The following ANO1 variants were observed in gnomAD, a reference collection of about 807,000 sequenced individuals.
ANO1 encodes the protein anoctamin-1.
In ANO1, 59 loss-of-function variants were observed where a neutral mutation model predicts 124.0. The observed-to-expected ratio is 0.48, with a 90% confidence interval of 0.39 to 0.59. The LOEUF is 0.59. ANO1 is among the 20% of genes least tolerant of loss of function. ANO1 has a pLI of 0.00. For synonymous variants in ANO1, 529 were observed against 532.0 expected (o/e 0.99, Z 0.08); for missense variants, 1,059 against 1,328.0 (o/e 0.80, Z 3.15).
At chr11:70,021,302 C>T (rs558463129) in intron 1 of ANO1, among the ~76,000 whole-genome samples, 15 of 152,310 alleles carry the variant, frequency 9.8e-5, no homozygotes, top group South Asian at 6.2e-4. Context: ...CAAATGCCAA[C>T]GTGCTCACTG....
upstream of ANO1, among the ~76,000 whole-genome samples, chr11:69,984,983 C>T (rs1184670628): frequency 2.0e-5 from 3 of 152,226 alleles, no homozygotes; most frequent in Non-Finnish European, 2.9e-5. Context: ...TTTGTGGGTA[C>T]ACAAGGAGGC....
intron 1 of ANO1, among the ~76,000 whole-genome samples, chr11:69,999,332 C>T (rs1444135221): frequency 1.3e-5 from 2 of 152,134 alleles, no homozygotes; most frequent in African/African-American, 4.8e-5. Context: ...AGGACAGTAC[C>T]AAGGACACAC....
chr11:70,122,150 CTG>C (rs2046313276), intron 8 of ANO1, among the ~76,000 whole-genome samples: 1 of 134,552 alleles, frequency 7.4e-6, no homozygotes, highest in African/African-American at 2.9e-5. Flanking sequence ...GCCTCTGTCT[CTG>C]TCTCTCTCTC....
At chr11:70,170,260 G>C in intron 21 of ANO1, 1 of 431,226 alleles carries the variant, frequency 2.3e-6, no homozygotes, top group East Asian at 7.1e-5. Context: ...ATGACCACAG[G>C]CTGGGCCTTT....
chr11:70,064,622 T>A (rs896500315), intron 1 of ANO1: 3 of 152,236 alleles, frequency 2.0e-5, no homozygotes, highest in Non-Finnish European at 4.4e-5. Flanking sequence ...CTTGTCCCCC[T>A]TCCTCCAAGC....
At chr11:70,180,147 C>T in intron 23 of ANO1, 91 bp downstream of exon 23, 1 of 1,202,590 alleles carries the variant, frequency 8.3e-7, no homozygotes, top group South Asian at 1.2e-5. Flanking sequence ...GGGCATGGGT[C>T]TTCTGCCTCT....
intron 7 of ANO1, among the ~76,000 whole-genome samples, chr11:70,114,177 C>G (rs1054141910): frequency 3.9e-5 from 6 of 152,228 alleles, no homozygotes; most frequent in African/African-American, 1.2e-4. Context: ...CTGTTCCCAC[C>G]TTAAAGATGG....
chr11:70,131,967 C>G lies in ANO1; in HGVS notation c.1146C>G (p.Cys382Trp), dbSNP rs769413652. The G allele has an allele frequency of 6.2e-7, 1 of 1,610,080 alleles. No homozygotes were observed. The highest frequency in any genetic ancestry group is 8.5e-7 in the Non-Finnish European group (1 of 1,179,720). ...QRHNITMCPL[C>W]DKTCSYWKMS... ...ACAATATCACCATGTGCCCGCTTTG[C>G]GACAAGACCTGCAGCTACTGGAAGA... The change falls in exon 11 of 26, where the codon TGC becomes TGG. Residue 382 changes from cysteine to tryptophan, a missense_variant. By Grantham distance (215) the Cys-to-Trp change is radical (BLOSUM62 -2). Coordinates refer to ENST00000355303, the MANE Select transcript of ANO1 (RefSeq NM_018043.7).
chr11:70,034,948 C>T (rs1360895122), intron 1 of ANO1, among the ~76,000 whole-genome samples: 7 of 151,688 alleles, frequency 4.6e-5, no homozygotes, highest in African/African-American at 1.5e-4. Context: ...CATCCCAGAC[C>T]AGGAAGGGGC....
intron 2 of ANO1, among the ~76,000 whole-genome samples, chr11:70,097,265 G>A (rs2045025611): frequency 6.6e-6 from 1 of 152,172 alleles, no homozygotes; most frequent in Non-Finnish European, 1.5e-5. Context: ...TCCACCCACG[G>A]CTGCATTCCT....
chr11:70,156,867 G>A (rs1285745516), intron 15 of ANO1, 80 bp from the exon 16 acceptor site: 11 of 1,316,634 alleles, frequency 8.4e-6, no homozygotes, highest in South Asian at 2.5e-5. Context: ...ATGCACGCAC[G>A]CACATGCACC....
the ANO1 span, among the ~76,000 whole-genome samples, chr11:69,973,456 A>T: frequency 6.6e-6 from 1 of 152,126 alleles, no homozygotes; most frequent in African/African-American, 2.4e-5. Flanking sequence ...CTGGCCCTGA[A>T]AGACTCTATT....
intron 22 of ANO1, among the ~76,000 whole-genome samples, chr11:70,171,401 C>A (rs1223306628): frequency 1.3e-5 from 2 of 152,174 alleles, no homozygotes; most frequent in Admixed American, 1.3e-4. Flanking sequence ...AGAGCCAGGG[C>A]AAGACCAACG....
intron 8 of ANO1, among the ~76,000 whole-genome samples, chr11:70,122,161 T>G (rs111211135): frequency 0.044 from 4,292 of 98,232 alleles, 531 homozygotes; most frequent in Admixed American, 0.075. Flanking sequence ...TGTCTCTCTC[T>G]CCATCTCCCC....
intron 1 of ANO1, among the ~76,000 whole-genome samples, chr11:70,056,893 A>C (rs951063042): frequency 1.4e-5 from 2 of 146,670 alleles, no homozygotes; most frequent in Admixed American, 6.8e-5. Context: ...CTTTCAGTTT[A>C]ACTAATCTCT....
intron 4 of ANO1, 88 bp downstream of exon 4, chr11:70,104,238 G>GT: frequency 7.1e-7 from 1 of 1,408,904 alleles, no homozygotes; most frequent in Non-Finnish European, 9.5e-7. Context: ...TTGATTATCT[G>GT]TCCCCCAAAG....
intron 1 of ANO1, among the ~76,000 whole-genome samples, chr11:70,065,865 G>A (rs1045420559): frequency 2.6e-5 from 4 of 152,118 alleles, no homozygotes; most frequent in East Asian, 1.9e-4. Context: ...TCACTTCCCC[G>A]GAAGGGCCTT....
intron 23 of ANO1, 140 bp from the exon 24 acceptor site, chr11:70,182,362 G>T: frequency 8.2e-6 from 5 of 612,532 alleles, no homozygotes. Context: ...GCATGCCGAG[G>T]CTGTGCGGCT....
chr11:70,046,309 T>C (rs1374874854), intron 1 of ANO1, among the ~76,000 whole-genome samples: 2 of 152,140 alleles, frequency 1.3e-5, no homozygotes, highest in African/African-American at 2.4e-5. Context: ...GCACACACCA[T>C]AGCTGGTCAT....
Sources: allele counts gnomAD v4.1 joint callset (sites outside exome capture counted in the v4.1 genomes callset), GRCh38; gene constraint gnomAD v4.1.1; transcripts MANE v1.5; gene names NCBI Gene and HGNC (gene_info 2026-07-23, HGNC 2026-07-21).